The following CCDC63 variants were observed in gnomAD, a reference collection of about 807,000 sequenced individuals.
CCDC63 encodes coiled-coil domain-containing protein 63.
Under a neutral mutation model 63.6 loss-of-function variants are expected in CCDC63, and 54 were observed. That is an observed-to-expected ratio of 0.85 (90% CI 0.68 to 1.07). The LOEUF (loss-of-function observed/expected upper bound fraction) is 1.07. Ranked by LOEUF, CCDC63 falls within the 50% of genes least tolerant of loss-of-function variation. CCDC63 has a pLI of 0.00. For missense variants in CCDC63, 637 were observed against 689.6 expected, an observed-to-expected ratio of 0.92 and a Z score of 0.86; for synonymous variants, 253 against 266.1, an observed-to-expected ratio of 0.95 and a Z score of 0.48.
intron 4 of CCDC63, among the ~76,000 whole-genome samples, chr12:110,865,464 CAAA>C (rs10585238): frequency 0.039 from 3,983 of 102,318 alleles, 112 homozygotes; most frequent in African/African-American, 0.11. Flanking sequence ...CAGCATATAC[CAAA>C]AAAAAAAAAA....
chr12:110,876,391 G>C (rs893269392), intron 5 of CCDC63, among the ~76,000 whole-genome samples: 1 of 152,154 alleles, frequency 6.6e-6, no homozygotes, highest in Non-Finnish European at 1.5e-5. Context: ...CCCCTACCTT[G>C]TGTGGTGGCT....
rs2071555201 is a variant in CCDC63 at position 110,905,888 on chromosome 12, A to AT, written c.1546+1098dup. 5.6e-4 allele frequency among the ~76,000 whole-genome samples: 8 copies of AT among 14,394 alleles called. No homozygotes were observed. In the East Asian group the frequency reaches 8.9e-3, roughly 16 times the overall value. The allele number at this position is 14,394 out of a possible 152,430, so 9.4% of individuals were successfully genotyped here. A position where few individuals can be genotyped will look rare whatever the true frequency, so the allele number is the denominator to read the frequency against. On this transcript the variant is annotated intron_variant, in intron 11 of 11. Transcript: ENST00000308208. Reference sequence around the variant, plus strand: ...TGTATATATGTGTGTGTGTATATATATAATATTATATATAATATATATTAT... The same window carrying AT: ...TGTATATATGTGTGTGTGTATATATATTAATATTATATATAATATATATTAT...
Position 110,884,088 on chromosome 12 carries a change from G to C in CCDC63, c.912G>C (p.Glu304Asp), listed in dbSNP as rs781552004. 6.6e-5 allele frequency: 107 copies of C among 1,614,050 alleles called. 1 individual carries two copies. The highest frequency in any genetic ancestry group is 7.6e-6 in the Non-Finnish European group (9 of 1,180,028). Residue 304 changes from glutamate to aspartate, a missense_variant, in exon 8 of 12, where the codon GAG (glutamate) becomes GAC (aspartate). Physicochemically the swap from Glu to Asp is conservative, Grantham distance 45 (BLOSUM62 2). Transcript: ENST00000308208. ...KNRGESFESYEVAHLRLLKLA... is the reference protein window; with the variant it reads ...KNRGESFESYDVAHLRLLKLA... The stretch of plus-strand genomic sequence containing the variant: ...GGGGAGAGAGTTTTGAGAGCTATGA[G>C]GTGGCCCACCTCCGGCTGCTGAAGC...
intron 3 of CCDC63, among the ~76,000 whole-genome samples, chr12:110,858,159 A>AAATAT (rs1291422307): frequency 4.3e-5 from 6 of 140,354 alleles, no homozygotes; most frequent in Non-Finnish European, 9.1e-5. Context: ...AAATAAAATA[A>AAATAT]AAAATAAAAT....
In CCDC63 at chr12:110,870,226, C is replaced by T. The variant is rs538702802; in HGVS notation, c.370-3616C>T. Among the ~76,000 whole-genome samples the T allele has an allele frequency of 7.9e-5, 12 of 152,182 alleles. No individual in the cohort carries two copies. The East Asian group carries it at 1.5e-3, about 20-fold the overall frequency. On this transcript the variant is annotated intron_variant, in intron 4 of 11. Coordinates refer to ENST00000308208, the MANE Select transcript of CCDC63 (RefSeq NM_152591.3). The stretch of plus-strand genomic sequence containing the variant: ...ACCTCCCAAGTAGCGGAATTACAGG[C>T]GCCCACCACCATGCCTGGCTAATTT...
Position 110,853,438 on chromosome 12 carries a change from C to T in CCDC63, c.43C>T (p.Pro15Ser), listed in dbSNP as rs1318861061. Residue 15 changes from proline to serine, a missense_variant, in exon 3 of 12, where the codon CCC (proline) becomes TCC (serine). Coordinates refer to ENST00000308208, the MANE Select transcript of CCDC63 (RefSeq NM_152591.3). ...GAACAGGAGAAAAGACTCCGACACT[C>T]CCCAGGAACCTTCGGAGAAGGCCAA... ...KKNRRKDSDT[P>S]QEPSEKAKEQ... 2.5e-6 allele frequency: 4 copies of T among 1,613,662 alleles called. No individual in the cohort carries two copies. The highest frequency in any genetic ancestry group is 3.4e-6 in the Non-Finnish European group (4 of 1,179,970).
intron 7 of CCDC63, among the ~76,000 whole-genome samples, chr12:110,881,546 C>A (rs2071209521): frequency 6.6e-6 from 1 of 152,036 alleles, no homozygotes; most frequent in South Asian, 2.1e-4. Flanking sequence ...ATGGTGAAAC[C>A]CCGTCTCTAC....
chr12:110,845,236 T>G (rs896792597), upstream of CCDC63, among the ~76,000 whole-genome samples: 3 of 152,212 alleles, frequency 2.0e-5, no homozygotes, highest in Non-Finnish European at 4.4e-5. Context: ...CATTTTTCAG[T>G]CGTTGACACT....
At chr12:110,846,769 G>A (rs963767717), upstream of CCDC63, 1 of 152,234 alleles carries the variant, frequency 6.6e-6, no homozygotes, top group Non-Finnish European at 1.5e-5. Context: ...GTCACTTAGC[G>A]TCATGAGGGT....
At chr12:110,862,772 T>C (rs1593648660) in intron 4 of CCDC63, among the ~76,000 whole-genome samples, 1 of 151,956 alleles carries the variant, frequency 6.6e-6, no homozygotes, top group Admixed American at 6.6e-5. Context: ...TTTTTTCTTT[T>C]TTTGAGACCA....
chr12:110,857,343 T>TCTC (rs1555252182), intron 3 of CCDC63, among the ~76,000 whole-genome samples: 1 of 149,934 alleles, frequency 6.7e-6, no homozygotes, highest in Non-Finnish European at 1.5e-5. Context: ...GCCAGGCTGG[T>TCTC]CTCGAACTCC....
chr12:110,860,250 G>A (rs932916790), intron 4 of CCDC63, among the ~76,000 whole-genome samples: 2 of 152,220 alleles, frequency 1.3e-5, no homozygotes, highest in Non-Finnish European at 2.9e-5. Context: ...GCCCCTCAGC[G>A]ATGCAGCCAG....
chr12:110,866,309 C>CTTTTTT (rs67350855), intron 4 of CCDC63, among the ~76,000 whole-genome samples: 3,097 of 136,912 alleles, frequency 0.023, 74 homozygotes, highest in African/African-American at 0.047. Context: ...TTAAGCCACT[C>CTTTTTT]TTTTTTTTTT....
Position 110,898,943 on chromosome 12 carries a change from G to A in CCDC63, c.1160G>A (p.Arg387Lys), listed in dbSNP as rs778831863. 9 of 1,603,620 alleles carry A rather than the reference G, an allele frequency of 5.6e-6. No homozygotes were observed. The South Asian group carries it at 1.0e-4, about 18-fold the overall frequency. Residue 387 changes from arginine (R) to lysine (K), a missense_variant, in exon 10 of 12, where the codon AGG becomes AAG. Transcript: ENST00000308208. The part of the protein sequence containing the change: ...SVLRQLEDKL[R>K]KTTEEADMYE... Reference sequence around the variant, plus strand: ...GGGGTCTGCCACCAGGATAAACTGAGGAAGACCACGGAGGAGGCAGATATG... The same window carrying A: ...GGGGTCTGCCACCAGGATAAACTGAAGAAGACCACGGAGGAGGCAGATATG...
At chr12:110,867,255 G>A (rs1352291478) in intron 4 of CCDC63, among the ~76,000 whole-genome samples, 18 of 113,620 alleles carry the variant, frequency 1.6e-4, no homozygotes, top group Admixed American at 7.5e-4. Context: ...CGGACGGGGC[G>A]GCTGGCCGGG....
chr12:110,883,168 G>A (rs915919137), intron 7 of CCDC63, among the ~76,000 whole-genome samples: 2 of 151,984 alleles, frequency 1.3e-5, no homozygotes, highest in Non-Finnish European at 2.9e-5. Context: ...CTCCTGAGTA[G>A]CTGGGACTAC....
intron 4 of CCDC63, among the ~76,000 whole-genome samples, chr12:110,859,233 G>C (rs2070819290): frequency 6.6e-6 from 1 of 152,072 alleles, no homozygotes; most frequent in Non-Finnish European, 1.5e-5. Context: ...AACATTGCCA[G>C]GTATTATGGG....
At chr12:110,904,542 C>T (rs368171910) in intron 10 of CCDC63, 46 bp from the exon 11 acceptor site, 2 of 1,575,366 alleles carry the variant, frequency 1.3e-6, no homozygotes, top group African/African-American at 2.7e-5. Context: ...TGCCCCCAGG[C>T]CCAGGTCTCT....
chr12:110,896,117 G>A (rs2071412698), intron 9 of CCDC63, among the ~76,000 whole-genome samples: 1 of 152,094 alleles, frequency 6.6e-6, no homozygotes, highest in South Asian at 2.1e-4. Flanking sequence ...TTAAAATTGT[G>A]ATTTTCTTAA....
Sources: allele counts gnomAD v4.1 joint callset (sites outside exome capture counted in the v4.1 genomes callset), GRCh38; gene constraint gnomAD v4.1.1; transcripts MANE v1.5; gene names NCBI Gene and HGNC (gene_info 2026-07-23, HGNC 2026-07-21).